Variants in SYNPR observed in about 807,000 individuals in gnomAD.
SYNPR encodes synaptoporin.
SYNPR carries 23 observed loss-of-function variants against 32.9 expected under a neutral mutation model. The observed-to-expected ratio is 0.70, with a 90% CI of 0.50 to 0.99. The LOEUF (loss-of-function observed/expected upper bound fraction) is 0.99, where lower values mean the gene tolerates loss of function less well. Among genes scored for constraint, SYNPR ranks in the 50% least tolerant of loss-of-function variants. The probability of loss-of-function intolerance (pLI) is 0.00; values close to 1 mark genes in which losing one functional copy is unlikely to be tolerated. For missense variants in SYNPR, 318 were observed against 349.3 expected (o/e 0.91, Z 0.71); for synonymous variants, 146 against 135.9 (o/e 1.07, Z -0.52).
rs1699934304 is a variant in SYNPR at position 63,595,755 on chromosome 3, A to ATATATATAGT, written c.409-13362_409-13361insGTTATATATA. Among the ~76,000 whole-genome samples, 4 of 32,278 alleles carry ATATATATAGT rather than the reference A, an allele frequency of 1.2e-4. 1 individual carries two copies. The highest frequency in any genetic ancestry group is 1.9e-4 in the Non-Finnish European group (4 of 21,594). The allele number at this position is 32,278 out of a possible 152,430, so 21.2% of individuals were successfully genotyped here. A position where few individuals can be genotyped will look rare whatever the true frequency, so the allele number is the denominator to read the frequency against. On this transcript the variant is annotated intron_variant, in intron 4 of 5. Coordinates refer to ENST00000478300, the MANE Select transcript of SYNPR (RefSeq NM_001130003.2). ...TATATATATATATATATATATATAT[A>ATATATATAGT]TATATATATATATAATTTTATATAT...
chr3:63,476,827 T>C (rs991250768), intron 2 of SYNPR, among the ~76,000 whole-genome samples: 7 of 152,316 alleles, frequency 4.6e-5, no homozygotes, highest in Admixed American at 3.3e-4. Context: ...TTGTATGTGC[T>C]TTTTGATTGT....
chr3:63,586,814 T>A (rs1014245438), intron 4 of SYNPR, among the ~76,000 whole-genome samples: 1 of 151,934 alleles, frequency 6.6e-6, no homozygotes, highest in Non-Finnish European at 1.5e-5. Flanking sequence ...CTTTTTGCAA[T>A]GTAGCAACAT....
chr3:63,562,076 A>G (rs944399165), intron 4 of SYNPR, among the ~76,000 whole-genome samples: 9 of 152,192 alleles, frequency 5.9e-5, no homozygotes, highest in African/African-American at 2.2e-4. Flanking sequence ...AGCTCTCAGA[A>G]AGCAGAAATG....
Position 63,386,469 on chromosome 3 carries a change from A to G in SYNPR, c.85-94363A>G, listed in dbSNP as rs541293928. Among the ~76,000 whole-genome samples, 5 of 152,308 alleles carry G rather than the reference A, an allele frequency of 3.3e-5. No individual in the cohort carries two copies. In the South Asian group the frequency reaches 1.0e-3, roughly 32 times the overall value. ...AACAAGCTTTGTTGGAATTGTTCAGATGGCATTCTTAATGTTCCCGAAACC... is the reference window on the plus strand; with the variant it reads ...AACAAGCTTTGTTGGAATTGTTCAGGTGGCATTCTTAATGTTCCCGAAACC... On this transcript the variant is annotated intron_variant, in intron 2 of 5. Transcript: ENST00000478300.
intron 1 of SYNPR, among the ~76,000 whole-genome samples, chr3:63,230,031 AC>A (rs2086155704): frequency 6.6e-6 from 1 of 152,112 alleles, no homozygotes; most frequent in Admixed American, 6.6e-5. Context: ...GCATTACATA[AC>A]CCAGCCCTGT....
chr3:63,247,566 G>A (rs9823248), intron 1 of SYNPR, among the ~76,000 whole-genome samples: 114,817 of 151,906 alleles, frequency 0.76, 44,254 homozygotes, highest in Middle Eastern at 0.85. Flanking sequence ...CCAAAAGGTC[G>A]CCCAGTGTAT....
chr3:63,461,459 C>G (rs781530106), intron 2 of SYNPR, among the ~76,000 whole-genome samples: 4 of 152,092 alleles, frequency 2.6e-5, no homozygotes, highest in Non-Finnish European at 4.4e-5. Flanking sequence ...CTTCTTACAT[C>G]TTTGTCCTGG....
intron 2 of SYNPR, among the ~76,000 whole-genome samples, chr3:63,471,789 CA>C (rs1243282363): frequency 6.6e-5 from 10 of 152,034 alleles, no homozygotes; most frequent in African/African-American, 2.4e-4. Context: ...GGAGATGGGA[CA>C]AGAGGGGGAC....
intron 2 of SYNPR, among the ~76,000 whole-genome samples, chr3:63,256,257 G>A (rs1433414240): frequency 1.3e-5 from 2 of 152,296 alleles, no homozygotes; most frequent in Middle Eastern, 3.4e-3. Context: ...ATATCAGAAC[G>A]GACAGACTGC....
chr3:63,272,893 C>T (rs2086547853), intron 3 of SYNPR, among the ~76,000 whole-genome samples: 1 of 152,062 alleles, frequency 6.6e-6, no homozygotes, highest in Non-Finnish European at 1.5e-5. Flanking sequence ...AGGACCTGGA[C>T]CAAACCTCTG....
At chr3:63,229,816 G>A (rs753226279) in intron 1 of SYNPR, among the ~76,000 whole-genome samples, 1 of 141,986 alleles carries the variant, frequency 7.0e-6, no homozygotes, top group African/African-American at 2.8e-5. Context: ...CAAAAGTAAT[G>A]GTTTTGGCCA....
At chr3:63,468,706 C>T (rs934610245) in intron 2 of SYNPR, among the ~76,000 whole-genome samples, 5 of 152,212 alleles carry the variant, frequency 3.3e-5, no homozygotes, top group South Asian at 2.1e-4. Context: ...GAGGCTGAGG[C>T]GTGAGGATGG....
At chr3:63,497,653 T>C (rs1427856230) in intron 3 of SYNPR, among the ~76,000 whole-genome samples, 1 of 152,082 alleles carries the variant, frequency 6.6e-6, no homozygotes, top group Non-Finnish European at 1.5e-5. Context: ...TCTTTAGAGA[T>C]GGAATTCAGT....
At chr3:63,533,819 A>G (rs1028476800) in intron 3 of SYNPR, among the ~76,000 whole-genome samples, 7 of 152,288 alleles carry the variant, frequency 4.6e-5, no homozygotes, top group African/African-American at 1.7e-4. Context: ...TGGCTATCGA[A>G]TAGACCCTTC....
At chr3:63,523,652 T>C (rs1701953333) in intron 3 of SYNPR, among the ~76,000 whole-genome samples, 1 of 152,090 alleles carries the variant, frequency 6.6e-6, no homozygotes, top group Admixed American at 6.6e-5. Flanking sequence ...CTTGGGGATG[T>C]CAGAAATAGC....
chr3:63,286,876 G>C (rs2086689223), intron 2 of SYNPR, among the ~76,000 whole-genome samples: 1 of 152,152 alleles, frequency 6.6e-6, no homozygotes, highest in South Asian at 2.1e-4. Flanking sequence ...TCCTTCTAAA[G>C]TAAATGATAA....
chr3:63,202,385 T>A, the SYNPR span, among the ~76,000 whole-genome samples: 1 of 152,300 alleles, frequency 6.6e-6, no homozygotes, highest in South Asian at 2.1e-4. Flanking sequence ...CAGAATTGCT[T>A]CAGGGAAGAT....
At chr3:63,415,117 T>G (rs1376269541) in intron 2 of SYNPR, among the ~76,000 whole-genome samples, 1 of 152,252 alleles carries the variant, frequency 6.6e-6, no homozygotes, top group Non-Finnish European at 1.5e-5. Context: ...ATATTATTTA[T>G]GAATTCTTTT....
chr3:63,608,862 G>A lies in SYNPR; in HGVS notation c.409-263G>A, dbSNP rs1700159179. 3.3e-5 allele frequency among the ~76,000 whole-genome samples: 5 copies of A among 152,158 alleles called. No individual in the cohort carries two copies. In the South Asian group the frequency reaches 1.0e-3, roughly 32 times the overall value. On this transcript the variant is annotated intron_variant, in intron 4 of 5. Transcript: ENST00000478300. Reference sequence around the variant, plus strand: ...AGGGATGTTGTAGGAACAATTAGGTGTGGGTTATAAAGTCCTTAGCATCAT... The same window carrying A: ...AGGGATGTTGTAGGAACAATTAGGTATGGGTTATAAAGTCCTTAGCATCAT...
Sources: allele counts gnomAD v4.1 joint callset (sites outside exome capture counted in the v4.1 genomes callset), GRCh38; gene constraint gnomAD v4.1.1; transcripts MANE v1.5; gene names NCBI Gene and HGNC (gene_info 2026-07-23, HGNC 2026-07-21).